The following OSBPL9 variants were observed in gnomAD, a reference collection of about 807,000 sequenced individuals.
The protein encoded by OSBPL9 is oxysterol binding protein like 9.
In OSBPL9, 40 loss-of-function variants were observed where a neutral mutation model predicts 106.6. The observed-to-expected ratio is 0.38, with a 90% CI of 0.29 to 0.49. The LOEUF is 0.49. Ranked by LOEUF, OSBPL9 falls within the 20% of genes least tolerant of loss-of-function variation. The pLI is 0.97. For synonymous variants in OSBPL9, 269 were observed against 295.4 expected (o/e 0.91, Z 0.92); for missense variants, 609 against 887.2 (o/e 0.69, Z 3.98).
upstream of OSBPL9, among the ~76,000 whole-genome samples, chr1:51,612,776 T>C (rs888263377): frequency 3.3e-5 from 5 of 152,272 alleles, no homozygotes; most frequent in South Asian, 6.2e-4. Flanking sequence ...ATTTATTTAC[T>C]ACACTTAATC....
intron 8 of OSBPL9, among the ~76,000 whole-genome samples, chr1:51,754,958 C>T (rs1033251799): frequency 1.3e-5 from 2 of 152,124 alleles, no homozygotes; most frequent in African/African-American, 4.8e-5. Context: ...AGGTACTCAC[C>T]ACTGTGCCTG....
chr1:51,759,200 CTA>C (rs571671976), intron 9 of OSBPL9, among the ~76,000 whole-genome samples: 481 of 151,676 alleles, frequency 3.2e-3, no homozygotes, highest in Non-Finnish European at 5.6e-3. Context: ...GGCAGATAAA[CTA>C]TTTTAGTGAC....
intron 3 of OSBPL9, among the ~76,000 whole-genome samples, chr1:51,705,934 T>A (rs995947090): frequency 8.5e-5 from 13 of 152,186 alleles, no homozygotes; most frequent in Non-Finnish European, 1.8e-4. Context: ...GAGGAAAGAG[T>A]CATGCATCAG....
chr1:51,638,560 A>G (rs1487487365), intron 1 of OSBPL9, among the ~76,000 whole-genome samples: 1 of 151,854 alleles, frequency 6.6e-6, no homozygotes, highest in Non-Finnish European at 1.5e-5. Context: ...CTACCTGTAT[A>G]AAAAAAATTT....
intron 2 of OSBPL9, among the ~76,000 whole-genome samples, chr1:51,662,319 CAGAG>C (rs1647245487): frequency 6.6e-6 from 1 of 151,782 alleles, no homozygotes; most frequent in Non-Finnish European, 1.5e-5. Flanking sequence ...GAGAGAGAGA[CAGAG>C]AAGAGAAATA....
chr1:51,712,491 G>A lies in OSBPL9; in HGVS notation c.242-1512G>A, dbSNP rs142092398. Among the ~76,000 whole-genome samples, 970 of 152,088 alleles carry A rather than the reference G, an allele frequency of 6.4e-3. 7 individuals are homozygous for A. The highest frequency in any genetic ancestry group is 0.011 in the Non-Finnish European group (757 of 67,972). On this transcript the variant is annotated intron_variant, in intron 3 of 23. Transcript: ENST00000428468. ...TGACTTACTGTCTTTTGTTCTCATG[G>A]GTTTCTTCTAACTGCTCCCAGTTCT... is the stretch of plus-strand genomic sequence containing the variant.
intron 3 of OSBPL9, among the ~76,000 whole-genome samples, chr1:51,712,101 A>G (rs1380473111): frequency 1.3e-5 from 2 of 152,096 alleles, no homozygotes; most frequent in Non-Finnish European, 2.9e-5. Flanking sequence ...AGATCACGCC[A>G]CTGCACTCCA....
At chr1:51,761,799 C>A in intron 10 of OSBPL9, 68 bp from the exon 11 acceptor site, 2 of 1,202,790 alleles carry the variant, frequency 1.7e-6, no homozygotes, top group Non-Finnish European at 2.5e-6. Flanking sequence ...GAATCCCAGA[C>A]AATTACAGTC....
At chr1:51,630,393 G>C (rs1455751699) in intron 1 of OSBPL9, among the ~76,000 whole-genome samples, 1 of 152,026 alleles carries the variant, frequency 6.6e-6, no homozygotes, top group Non-Finnish European at 1.5e-5. Flanking sequence ...TATTTTCTGG[G>C]TTAGTCGTTT....
chr1:51,646,777 C>T (rs1344362205), intron 1 of OSBPL9, among the ~76,000 whole-genome samples: 1 of 152,164 alleles, frequency 6.6e-6, no homozygotes, highest in Non-Finnish European at 1.5e-5. Flanking sequence ...TCAAGTGATC[C>T]ACCTGTTGCA....
intron 1 of OSBPL9, among the ~76,000 whole-genome samples, chr1:51,629,684 C>T (rs994601697): frequency 1.3e-5 from 2 of 152,144 alleles, no homozygotes; most frequent in African/African-American, 4.8e-5. Context: ...TGCAGTGGCT[C>T]ATGCCTGTAA....
In OSBPL9 at chr1:51,644,078, T is replaced by TA. The variant is rs968921768; in HGVS notation, c.112-7885dup. ...CTGGGCAACAGAGTGAGACCTTGTC[T>TA]AAAAAAAAAAAAAAAAAAAAAAAAA... On this transcript the variant is annotated intron_variant, in intron 1 of 23. Transcript: ENST00000428468. Among the ~76,000 whole-genome samples, 310 of 43,252 alleles carry TA rather than the reference T, an allele frequency of 7.2e-3. 18 individuals carry two copies. The highest frequency in any genetic ancestry group is 0.032 in the East Asian group (37 of 1,146). 28.4% of individuals were successfully genotyped at this position (43,252 alleles called of 152,430 possible). A position where few individuals can be genotyped will look rare whatever the true frequency, so the allele number is the denominator to read the frequency against.
the OSBPL9 span, among the ~76,000 whole-genome samples, chr1:51,536,845 G>T: frequency 2.6e-5 from 4 of 152,178 alleles, no homozygotes; most frequent in African/African-American, 4.8e-5. Context: ...GGAGAAACGT[G>T]GTGTCACTTG....
At chr1:51,708,920 A>T (rs911501037) in intron 3 of OSBPL9, 1 of 152,146 alleles carries the variant, frequency 6.6e-6, no homozygotes, top group Non-Finnish European at 1.5e-5. Flanking sequence ...TTTCCAATCT[A>T]TATGCAGTTG....
At chr1:51,637,509 A>G (rs1184653644) in intron 1 of OSBPL9, among the ~76,000 whole-genome samples, 3 of 152,194 alleles carry the variant, frequency 2.0e-5, no homozygotes, top group Non-Finnish European at 4.4e-5. Context: ...TAAAATGGGT[A>G]TGATAAAAGA....
At chr1:51,586,517 T>C (rs925065145) in intron 1 of OSBPL9, among the ~76,000 whole-genome samples, 1 of 152,242 alleles carries the variant, frequency 6.6e-6, no homozygotes, top group African/African-American at 2.4e-5. Context: ...ATGATTTATA[T>C]GTTACATATG....
chr1:51,735,315 G>A (rs1228010685), intron 4 of OSBPL9, among the ~76,000 whole-genome samples: 1 of 152,156 alleles, frequency 6.6e-6, no homozygotes, highest in Admixed American at 6.5e-5. Flanking sequence ...GAGTACCTCA[G>A]CATCTCTTGT....
At chr1:51,565,733 T>C in the OSBPL9 span, 2 of 152,200 alleles carry the variant, frequency 1.3e-5, no homozygotes, top group Admixed American at 6.5e-5. Flanking sequence ...TTCCAACTCC[T>C]AGGTTAACTC....
the OSBPL9 span, chr1:51,563,526 A>G: frequency 6.6e-6 from 1 of 152,292 alleles, no homozygotes; most frequent in Non-Finnish European, 1.5e-5. Flanking sequence ...GGGGAAGGGA[A>G]GATGACCACA....
Sources: allele counts gnomAD v4.1 joint callset (sites outside exome capture counted in the v4.1 genomes callset), GRCh38; gene constraint gnomAD v4.1.1; transcripts MANE v1.5; gene names NCBI Gene and HGNC (gene_info 2026-07-23, HGNC 2026-07-21).